MPP7: variants seen among roughly 807,000 people sequenced by gnomAD.
MPP7 encodes MAGUK p55 scaffold protein 7.
Under a neutral mutation model 76.5 loss-of-function variants are expected in MPP7, and 60 were observed. The observed-to-expected ratio is 0.78, with a 90% CI of 0.64 to 0.97. The LOEUF is 0.97. Among genes scored for constraint, MPP7 ranks in the 50% least tolerant of loss-of-function variants. MPP7 has a pLI of 0.00. For synonymous variants in MPP7, 237 were observed against 244.5 expected, an observed-to-expected ratio of 0.97 and a Z score of 0.29; for missense variants, 641 against 694.0, an observed-to-expected ratio of 0.92 and a Z score of 0.86.
At position 28,113,144 on chromosome 10, in the gene MPP7, T is replaced by C. The variant is rs118088098; in HGVS notation, c.952+6507A>G. Among the ~76,000 whole-genome samples, 882 of 152,280 alleles carry C rather than the reference T, an allele frequency of 5.8e-3. 6 individuals are homozygous for C. Among genetic ancestry groups the C allele is most frequent in the Non-Finnish European group, 0.01 (700 of 68,026 alleles). On this transcript the variant is annotated intron_variant, in intron 11 of 16. Coordinates refer to ENST00000683449, the MANE Select transcript of MPP7 (RefSeq NM_001318170.2). ...CAGTGACCACCTCTCAGTCACAGCA[T>C]AACTCCACGGAACTCATGCCTGCTT...
chr10:28,094,184 T>C (rs1042990086), intron 11 of MPP7, among the ~76,000 whole-genome samples: 16 of 152,168 alleles, frequency 1.1e-4, no homozygotes, highest in Admixed American at 3.9e-4. Context: ...GCAACAGCAA[T>C]CAATTCACAC....
chr10:28,244,665 C>T (rs1839374359), intron 1 of MPP7, among the ~76,000 whole-genome samples: 1 of 152,080 alleles, frequency 6.6e-6, no homozygotes, highest in South Asian at 2.1e-4. Context: ...TCCTATAAAC[C>T]TTTAAAGACT....
At chr10:28,122,642 G>A (rs575830922) in intron 8 of MPP7, among the ~76,000 whole-genome samples, 1 of 152,264 alleles carries the variant, frequency 6.6e-6, no homozygotes, top group Non-Finnish European at 1.5e-5. Context: ...CATCACCTTC[G>A]TGTCTCCAGA....
intron 1 of MPP7, among the ~76,000 whole-genome samples, chr10:28,264,124 C>T (rs551929009): frequency 6.6e-6 from 1 of 152,164 alleles, no homozygotes; most frequent in East Asian, 1.9e-4. Context: ...TAGGGAGACC[C>T]TGTCTCTACA....
chr10:28,125,063 G>GTCTGTTCA lies in MPP7; in HGVS notation c.468_475dup (p.Thr159MetfsTer13). 1 of 1,613,988 alleles carries GTCTGTTCA rather than the reference G, an allele frequency of 6.2e-7. No homozygotes were observed. Among genetic ancestry groups the GTCTGTTCA allele is most frequent in the East Asian group, 2.2e-5 (1 of 44,856 alleles). ...GATTCTGGCCACAATGATCGCCCCG[G>GTCTGTTCA]TCTGTTCATCCTTCTTAATGGTAGC... On this transcript the variant is annotated frameshift_variant, in exon 7 of 17. Transcript: ENST00000683449. LOFTEE classifies it high-confidence loss of function.
At chr10:28,270,975 G>T (rs72803692) in intron 1 of MPP7, among the ~76,000 whole-genome samples, 8,566 of 152,248 alleles carry the variant, frequency 0.056, 357 homozygotes, top group Non-Finnish European at 0.081. Flanking sequence ...AGCTGGTGAT[G>T]TACACTGATC....
At chr10:28,313,721 C>T (rs372080492) in intron 2 of MPP7, among the ~76,000 whole-genome samples, 1 of 152,188 alleles carries the variant, frequency 6.6e-6, no homozygotes, top group East Asian at 1.9e-4. Flanking sequence ...AGGGTCTGCT[C>T]GGTCCCCCAG....
chr10:28,077,902 G>A (rs1852573647), intron 12 of MPP7, among the ~76,000 whole-genome samples: 1 of 152,132 alleles, frequency 6.6e-6, no homozygotes, highest in Non-Finnish European at 1.5e-5. Flanking sequence ...CTTTTTACAT[G>A]ACAGGCATGT....
intron 11 of MPP7, among the ~76,000 whole-genome samples, chr10:28,099,010 C>G (rs1853694925): frequency 6.6e-6 from 1 of 152,100 alleles, no homozygotes. Flanking sequence ...TATTCTTTGG[C>G]TCTCACAAAC....
intron 11 of MPP7, among the ~76,000 whole-genome samples, chr10:28,109,267 A>G (rs1171275524): frequency 1.3e-5 from 2 of 152,204 alleles, no homozygotes; most frequent in Non-Finnish European, 2.9e-5. Flanking sequence ...CAACCTGGGC[A>G]ACAGAGTGAG....
chr10:28,233,420 C>T (rs1838956208), intron 2 of MPP7, among the ~76,000 whole-genome samples: 2 of 152,126 alleles, frequency 1.3e-5, no homozygotes, highest in Admixed American at 1.3e-4. Flanking sequence ...AAAGAAACAA[C>T]ACTCCGGCCG....
intron 3 of MPP7, among the ~76,000 whole-genome samples, chr10:28,184,875 T>C (rs1186881909): frequency 6.8e-6 from 1 of 147,326 alleles, no homozygotes; most frequent in Non-Finnish European, 1.5e-5. Context: ...TTTTATGATT[T>C]TTTATAATGT....
intron 11 of MPP7, among the ~76,000 whole-genome samples, chr10:28,117,243 T>C (rs1279834290): frequency 6.6e-6 from 1 of 152,154 alleles, no homozygotes; most frequent in Non-Finnish European, 1.5e-5. Context: ...CTAAATTCAT[T>C]ATTTCAAATC....
At chr10:28,196,516 T>C (rs951054299) in intron 3 of MPP7, among the ~76,000 whole-genome samples, 5 of 149,612 alleles carry the variant, frequency 3.3e-5, no homozygotes, top group African/African-American at 7.4e-5. Context: ...ATCCAATAAG[T>C]AGCTCTATTT....
At chr10:28,137,681 T>C (rs1483650117) in intron 5 of MPP7, among the ~76,000 whole-genome samples, 3 of 152,218 alleles carry the variant, frequency 2.0e-5, no homozygotes, top group Admixed American at 6.5e-5. Flanking sequence ...TTGCATTCCA[T>C]TATCCTGTTT....
At chr10:28,080,231 C>T (rs918978707) in intron 12 of MPP7, among the ~76,000 whole-genome samples, 9 of 152,146 alleles carry the variant, frequency 5.9e-5, no homozygotes, top group African/African-American at 2.2e-4. Context: ...TTACTCTACG[C>T]TTATATAGAC....
chr10:28,178,194 G>A (rs887326996), intron 3 of MPP7, among the ~76,000 whole-genome samples: 6 of 152,062 alleles, frequency 3.9e-5, no homozygotes, highest in African/African-American at 1.4e-4. Flanking sequence ...CTAGATGCCA[G>A]CAGTACCCCC....
intron 2 of MPP7, among the ~76,000 whole-genome samples, chr10:28,214,588 G>GT (rs1178455081): frequency 6.6e-6 from 1 of 152,118 alleles, no homozygotes; most frequent in East Asian, 1.9e-4. Context: ...TGGAGATGCC[G>GT]TGACGATGAA....
intron 2 of MPP7, among the ~76,000 whole-genome samples, chr10:28,207,854 T>C (rs1837999788): frequency 6.6e-6 from 1 of 152,130 alleles, no homozygotes; most frequent in Non-Finnish European, 1.5e-5. Context: ...CATAAATCTA[T>C]AGATTTTTAA....
Sources: gnomAD v4.1 joint callset for allele counts (sites outside exome capture counted in the v4.1 genomes callset) on GRCh38, gnomAD v4.1.1 for gene constraint, MANE v1.5 for transcripts, NCBI Gene and HGNC (gene_info 2026-07-23, HGNC 2026-07-21) for gene names.